The following CIBAR2 variants were observed in gnomAD, a reference collection of about 807,000 sequenced individuals.
CIBAR2 encodes CBY1 interacting BAR domain containing 2.
In CIBAR2, 38 loss-of-function variants were observed where a neutral mutation model predicts 36.2. That is an observed-to-expected ratio of 1.05 (90% CI 0.81 to 1.38). The LOEUF is 1.38. Among genes scored for constraint, CIBAR2 ranks in the 40% most tolerant of loss-of-function variants. The pLI is 0.00. For missense variants in CIBAR2, 481 were observed against 383.4 expected (o/e 1.25, Z -2.13); for synonymous variants, 182 against 149.5 (o/e 1.22, Z -1.58).
intron 6 of CIBAR2, among the ~76,000 whole-genome samples, chr16:85,102,994 C>T (rs940419273): frequency 9.9e-5 from 15 of 150,790 alleles, no homozygotes; most frequent in East Asian, 3.9e-4. Flanking sequence ...CTCCGCCTCC[C>T]GGGTTCAAGC....
At chr16:85,106,224 C>T (rs7192954) in intron 5 of CIBAR2, among the ~76,000 whole-genome samples, 7,692 of 151,976 alleles carry the variant, frequency 0.051, 252 homozygotes, top group African/African-American at 0.094. Context: ...GTCAGGACTC[C>T]CCACGCTCAG....
In CIBAR2 at chr16:85,107,654, A is replaced by T; in HGVS notation, c.432+13T>A. 6.2e-7 allele frequency: 1 copy of T among 1,613,868 alleles called. No homozygotes were observed. The highest frequency in any genetic ancestry group is 8.5e-7 in the Non-Finnish European group (1 of 1,179,856). Reference sequence around the variant, plus strand: ...GTGATTCTGCCTGCCCCAGACAGACATGTGACACTCACCTGGGACTGAAAA... The same window carrying T: ...GTGATTCTGCCTGCCCCAGACAGACTTGTGACACTCACCTGGGACTGAAAA... On this transcript the variant is annotated intron_variant, in intron 5 of 8. Coordinates refer to ENST00000539556, the MANE Select transcript of CIBAR2 (RefSeq NM_198491.3).
chr16:85,103,273 G>T (rs1350073747), intron 6 of CIBAR2, among the ~76,000 whole-genome samples: 1 of 152,100 alleles, frequency 6.6e-6, no homozygotes, highest in Non-Finnish European at 1.5e-5. Context: ...GGCCCTCCTC[G>T]GATGCTGAAT....
chr16:85,103,631 C>T (rs1394111097), intron 6 of CIBAR2, among the ~76,000 whole-genome samples: 3 of 152,336 alleles, frequency 2.0e-5, no homozygotes, highest in East Asian at 3.9e-4. Flanking sequence ...TAACGTCTGC[C>T]GACTGTTTCA....
In CIBAR2 at chr16:85,105,360, A is replaced by G; in HGVS notation, c.504T>C (p.Asp168=). The change falls in exon 6 of 9, where the codon GAT becomes GAC. Residue 168 remains aspartate (D), a synonymous_variant. Coordinates refer to ENST00000539556, the MANE Select transcript of CIBAR2 (RefSeq NM_198491.3). ...CCTTGAGCTTCTGCCTCTGGAAGCC[A>G]TCCACAGTCTCCTCCAGCTGGAGGG... ...RTTLQLEETV[D]GFQRQKLKDL... The G allele has an allele frequency of 6.2e-7, 1 of 1,613,716 alleles. No individual in the cohort carries two copies. The highest frequency in any genetic ancestry group is 8.5e-7 in the Non-Finnish European group (1 of 1,179,946).
intron 6 of CIBAR2, 116 bp downstream of exon 6, chr16:85,105,211 T>A: frequency 1.5e-6 from 1 of 649,852 alleles, no homozygotes; most frequent in Non-Finnish European, 2.7e-6. Flanking sequence ...CTCACACGTG[T>A]ACACAGACCC....
At chr16:85,104,238 G>A (rs996599308) in intron 6 of CIBAR2, among the ~76,000 whole-genome samples, 3 of 152,228 alleles carry the variant, frequency 2.0e-5, no homozygotes, top group Non-Finnish European at 2.9e-5. Context: ...CCCTGCAAAG[G>A]CCTCGGGTAG....
At chr16:85,109,657 C>T (rs902472391) in intron 2 of CIBAR2, among the ~76,000 whole-genome samples, 1 of 152,136 alleles carries the variant, frequency 6.6e-6, no homozygotes, top group Non-Finnish European at 1.5e-5. Context: ...GTAGCTGGGA[C>T]CACAGCTGCT....
chr16:85,112,374 C>G lies in CIBAR2; in HGVS notation c.-22G>C, dbSNP rs759306987. ...TCATTGTGACCAGAGCTTTGGCTGT[C>G]CCGGTGCTGGGGAATAAGGACAGGG... On this transcript the variant is annotated 5_prime_UTR_variant, in exon 1 of 9. Transcript: ENST00000539556. The G allele has an allele frequency of 6.2e-7, 1 of 1,613,344 alleles. No homozygotes were observed. Among genetic ancestry groups the G allele is most frequent in the Non-Finnish European group, 8.5e-7 (1 of 1,179,392 alleles).
chr16:85,112,399 GC>G lies in CIBAR2; in HGVS notation c.-48del. Reference sequence around the variant, plus strand: ...CCCGGTGCTGGGGAATAAGGACAGGGCCCCAGGGGTCCTGCAGGCCTGGGAG... The same window carrying G: ...CCCGGTGCTGGGGAATAAGGACAGGGCCCAGGGGTCCTGCAGGCCTGGGAG... On this transcript the variant is annotated 5_prime_UTR_variant, in exon 1 of 9. Transcript: ENST00000539556. The G allele has an allele frequency of 6.3e-7, 1 of 1,594,418 alleles. No individual in the cohort carries two copies. The highest frequency in any genetic ancestry group is 8.6e-7 in the Non-Finnish European group (1 of 1,162,264).
chr16:85,108,142 G>C, intron 2 of CIBAR2, 43 bp from the exon 3 acceptor site: 1 of 1,550,796 alleles, frequency 6.4e-7, no homozygotes, highest in Non-Finnish European at 8.7e-7. Flanking sequence ...GCAGGGTGCT[G>C]CCTGCCTCCA....
rs1414159932 is a variant in CIBAR2 at position 85,099,238 on chromosome 16, G to A, written c.862C>T (p.His288Tyr). 1.2e-6 allele frequency: 2 copies of A among 1,611,664 alleles called. No individual in the cohort carries two copies. Among genetic ancestry groups the A allele is most frequent in the Non-Finnish European group, 1.7e-6 (2 of 1,178,878 alleles). ...TGCCCACCCTGCCCACACACACAGT[G>A]GGCTGGCTGCCCCTTAACCACCCAC... ...CEWVVKGQPA[H>Y]CVCGQGGHLM... Residue 288 changes from histidine (H) to tyrosine (Y), a missense_variant, in exon 9 of 9, where the codon CAC (histidine) becomes TAC (tyrosine). By Grantham distance (83) the His-to-Tyr change is moderately conservative. Coordinates refer to ENST00000539556, the MANE Select transcript of CIBAR2 (RefSeq NM_198491.3).
In CIBAR2 at chr16:85,110,214, G is replaced by A. The variant is rs369715904; in HGVS notation, c.255+12C>T. On this transcript the variant is annotated intron_variant, in intron 2 of 8. Coordinates refer to ENST00000539556, the MANE Select transcript of CIBAR2 (RefSeq NM_198491.3). ...CCCCTCAGCATCCCAGACCCGGGCC[G>A]GCAGCACTCACCTGGGCCTGCCGGT... 62 of 1,539,488 alleles carry A rather than the reference G, an allele frequency of 4.0e-5. No homozygotes were observed. Among genetic ancestry groups the A allele is most frequent in the African/African-American group, 2.5e-4 (18 of 73,018 alleles).
chr16:85,108,989 G>A (rs1324497162), intron 2 of CIBAR2, among the ~76,000 whole-genome samples: 1 of 152,150 alleles, frequency 6.6e-6, no homozygotes, highest in African/African-American at 2.4e-5. Flanking sequence ...AAGGAAGATG[G>A]CACCCTGTCT....
intron 2 of CIBAR2, 84 bp from the exon 3 acceptor site, chr16:85,108,183 G>A (rs76073304): frequency 0.069 from 90,127 of 1,306,860 alleles, 3,714 homozygotes; most frequent in Non-Finnish European, 0.074. Flanking sequence ...GCCGGCACCC[G>A]GGAGCCGCGT....
At chr16:85,111,560 T>A (rs1332372736) in intron 1 of CIBAR2, among the ~76,000 whole-genome samples, 1 of 152,090 alleles carries the variant, frequency 6.6e-6, no homozygotes, top group East Asian at 1.9e-4. Flanking sequence ...TAAAAACACA[T>A]CCAGGCTGGG....
Position 85,107,870 on chromosome 16 carries a change from C to A in CIBAR2, c.402G>T (p.Lys134Asn), listed in dbSNP as rs763226395. 6.2e-7 allele frequency: 1 copy of A among 1,614,072 alleles called. No individual in the cohort carries two copies. The highest frequency in any genetic ancestry group is 1.1e-5 in the South Asian group (1 of 91,082). Residue 134 changes from lysine (K) to asparagine (N), a missense_variant, in exon 4 of 9, where the codon AAG becomes AAT. Lys to Asn is a moderately conservative substitution (Grantham distance 94, BLOSUM62 0). Coordinates refer to ENST00000539556, the MANE Select transcript of CIBAR2 (RefSeq NM_198491.3). ...CGATCATTTGCTGATCCGAGGGTGA[C>A]TTCTGCCTCAGTTTCTCCAGTTTTT... is the stretch of plus-strand genomic sequence containing the variant. ...QLEKLEKLRQ[K>N]SPSDQQMISQ... is the part of the protein sequence containing the mutation.
chr16:85,111,887 A>C (rs949852105), intron 1 of CIBAR2, among the ~76,000 whole-genome samples: 3 of 152,150 alleles, frequency 2.0e-5, no homozygotes, highest in African/African-American at 7.2e-5. Context: ...GTTGCTTGAG[A>C]GGTTGCCTGG....
intron 6 of CIBAR2, among the ~76,000 whole-genome samples, chr16:85,104,924 C>G (rs2144163002): frequency 6.6e-6 from 1 of 151,974 alleles, no homozygotes; most frequent in Non-Finnish European, 1.5e-5. Flanking sequence ...GGAAGGCACC[C>G]ACACCCAGCT....
Sources: gnomAD v4.1 joint callset for allele counts (sites outside exome capture counted in the v4.1 genomes callset) on GRCh38, gnomAD v4.1.1 for gene constraint, MANE v1.5 for transcripts, NCBI Gene and HGNC (gene_info 2026-07-23, HGNC 2026-07-21) for gene names.